The following SYNPO2 variants were observed in gnomAD, a reference collection of about 807,000 sequenced individuals.
The protein encoded by SYNPO2 is synaptopodin 2.
SYNPO2 carries 56 observed loss-of-function variants against 85.0 expected under a neutral mutation model. That is an observed-to-expected ratio of 0.66 (90% CI 0.53 to 0.82). The LOEUF (loss-of-function observed/expected upper bound fraction) is 0.82, where lower values mean the gene tolerates loss of function less well. Among genes scored for constraint, SYNPO2 ranks in the 40% least tolerant of loss-of-function variants. The probability of loss-of-function intolerance (pLI) is 0.00; values close to 1 mark genes in which losing one functional copy is unlikely to be tolerated. For missense variants in SYNPO2, 1,575 were observed against 1,534.2 expected (o/e 1.03, Z -0.44); for synonymous variants, 602 against 591.1 (o/e 1.02, Z -0.27).
chr4:118,872,648 G>A (rs1731824458), intron 1 of SYNPO2, among the ~76,000 whole-genome samples: 1 of 152,076 alleles, frequency 6.6e-6, no homozygotes, highest in African/African-American at 2.4e-5. Flanking sequence ...TGCTTTCTGA[G>A]GACACCCTAC....
intron 4 of SYNPO2, 131 bp from the exon 5 acceptor site, chr4:119,057,269 TG>T: frequency 5.6e-6 from 6 of 1,068,250 alleles, no homozygotes; most frequent in Non-Finnish European, 6.3e-6. Flanking sequence ...CTAAGCATTC[TG>T]GGGGGTTAAT....
In SYNPO2 at chr4:118,980,067, G is replaced by A. The variant is rs187025718; in HGVS notation, c.106-43363G>A. ...GTTGGATACATTGCATAGTATATGC[G>A]GTTTTTAAGCTAACTTAAAGGGAAA... is the stretch of plus-strand genomic sequence containing the variant. On this transcript the variant is annotated intron_variant, in intron 1 of 4. Coordinates refer to ENST00000307142, the MANE Select transcript of SYNPO2 (RefSeq NM_133477.3). Among the ~76,000 whole-genome samples the A allele has an allele frequency of 3.4e-3, 519 of 152,202 alleles. 6 individuals carry two copies. Among genetic ancestry groups the A allele is most frequent in the African/African-American group, 0.012 (498 of 41,546 alleles).
intron 1 of SYNPO2, among the ~76,000 whole-genome samples, chr4:118,997,184 G>T (rs566283945): frequency 7.3e-6 from 1 of 137,314 alleles, no homozygotes; most frequent in African/African-American, 2.8e-5. Flanking sequence ...AGCTTGCAGT[G>T]AGCCGAGATC....
rs28397868 is a variant in SYNPO2, at chr4:118,949,221, C to T, written c.105+60080C>T. Among the ~76,000 whole-genome samples the T allele has an allele frequency of 5.8e-3, 884 of 152,076 alleles. 9 individuals are homozygous for T. The highest frequency in any genetic ancestry group is 0.019 in the African/African-American group (780 of 41,464). ...GAGCCACAATAGATAAACAGTTATACGGCAGATCCGAAGCATTTGCATTTC... is the reference window on the plus strand; with the variant it reads ...GAGCCACAATAGATAAACAGTTATATGGCAGATCCGAAGCATTTGCATTTC... On this transcript the variant is annotated intron_variant, in intron 1 of 4. Coordinates refer to ENST00000307142, the MANE Select transcript of SYNPO2 (RefSeq NM_133477.3).
intron 1 of SYNPO2, among the ~76,000 whole-genome samples, chr4:118,901,923 T>C (rs190558974): frequency 6.6e-6 from 1 of 152,270 alleles, no homozygotes; most frequent in East Asian, 1.9e-4. Flanking sequence ...TGAAAATAAA[T>C]GTAGATAAGA....
intron 1 of SYNPO2, among the ~76,000 whole-genome samples, chr4:118,900,703 C>CTCTCTCTCTCTCTCTCTCTATATA (rs1277981772): frequency 2.3e-5 from 1 of 43,900 alleles, no homozygotes; most frequent in African/African-American, 7.9e-5. Context: ...CTCTCTCTCT[C>CTCTCTCTCTCTCTCTCTCTATATA]TATATATATA....
At position 119,031,127 on chromosome 4, in the gene SYNPO2, G is replaced by A; in HGVS notation, c.2352G>A (p.Val784=). The A allele has an allele frequency of 1.2e-6, 2 of 1,614,050 alleles. No homozygotes were observed. The highest frequency in any genetic ancestry group is 8.5e-7 in the Non-Finnish European group (1 of 1,180,008). Residue 784 remains valine (V), a synonymous_variant, in exon 4 of 5, where the codon GTG becomes GTA. Coordinates refer to ENST00000307142, the MANE Select transcript of SYNPO2 (RefSeq NM_133477.3). ...TTTCCCCAGTCTGGTCTCCAGGAGTGGCTCCCACCCAACCTCCTGCCTTCC... is the reference window on the plus strand; with the variant it reads ...TTTCCCCAGTCTGGTCTCCAGGAGTAGCTCCCACCCAACCTCCTGCCTTCC... The part of the protein sequence containing the change: ...TPVSPVWSPG[V]APTQPPAFPT...
chr4:119,015,251 A>G (rs942616044), intron 1 of SYNPO2, among the ~76,000 whole-genome samples: 2 of 152,244 alleles, frequency 1.3e-5, no homozygotes, highest in Admixed American at 6.5e-5. Flanking sequence ...CAAGATCGCC[A>G]GTTTACTAAT....
intron 1 of SYNPO2, among the ~76,000 whole-genome samples, chr4:118,860,930 T>G (rs1731598468): frequency 6.6e-6 from 1 of 152,236 alleles, no homozygotes; most frequent in Non-Finnish European, 1.5e-5. Flanking sequence ...TTCTGGTTAT[T>G]AATCCCTTGT....
chr4:118,922,208 A>G (rs1218987108), intron 1 of SYNPO2, among the ~76,000 whole-genome samples: 1 of 152,106 alleles, frequency 6.6e-6, no homozygotes, highest in Non-Finnish European at 1.5e-5. Context: ...AACCATGTGT[A>G]GATTTGTTAC....
chr4:118,871,688 C>A (rs1042361306), intron 1 of SYNPO2, among the ~76,000 whole-genome samples: 4 of 152,010 alleles, frequency 2.6e-5, no homozygotes, highest in Non-Finnish European at 4.4e-5. Flanking sequence ...CCTGCCTCAA[C>A]CTCCCGAGTT....
At chr4:118,976,236 G>A (rs868522902) in intron 1 of SYNPO2, among the ~76,000 whole-genome samples, 3 of 151,968 alleles carry the variant, frequency 2.0e-5, no homozygotes, top group Non-Finnish European at 4.4e-5. Flanking sequence ...TCGTGGTCTC[G>A]CTGGCTCAGG....
chr4:118,998,205 G>C (rs1052712600), intron 1 of SYNPO2, among the ~76,000 whole-genome samples: 1 of 152,154 alleles, frequency 6.6e-6, no homozygotes, highest in Non-Finnish European at 1.5e-5. Flanking sequence ...CACTGGCTTG[G>C]TCATATTCTA....
At chr4:118,881,355 G>A (rs1732096313) in intron 1 of SYNPO2, among the ~76,000 whole-genome samples, 2 of 151,958 alleles carry the variant, frequency 1.3e-5, no homozygotes, top group Admixed American at 1.3e-4. Flanking sequence ...CCTGTCCAGA[G>A]GGAAGACCAT....
At chr4:118,873,987 G>A (rs1387533414) in intron 1 of SYNPO2, among the ~76,000 whole-genome samples, 1 of 147,786 alleles carries the variant, frequency 6.8e-6, no homozygotes, top group African/African-American at 2.5e-5. Flanking sequence ...TTTCCCCAGT[G>A]TATGTTCTTG....
At chr4:119,015,982 C>A (rs1265164880) in intron 1 of SYNPO2, among the ~76,000 whole-genome samples, 1 of 152,138 alleles carries the variant, frequency 6.6e-6, no homozygotes, top group Non-Finnish European at 1.5e-5. Flanking sequence ...TTCTAATTTT[C>A]TAAACCAAAT....
At chr4:118,931,568 C>T (rs1331951692) in intron 1 of SYNPO2, among the ~76,000 whole-genome samples, 2 of 152,176 alleles carry the variant, frequency 1.3e-5, no homozygotes, top group Non-Finnish European at 2.9e-5. Flanking sequence ...CATAGCACTC[C>T]TTTTCTTTAT....
chr4:118,860,383 A>C (rs1425565258), intron 1 of SYNPO2, among the ~76,000 whole-genome samples: 1 of 151,806 alleles, frequency 6.6e-6, no homozygotes, highest in South Asian at 2.1e-4. Flanking sequence ...AGCTGGGACT[A>C]CAGGCGTGCA....
intron 1 of SYNPO2, among the ~76,000 whole-genome samples, chr4:118,872,508 G>GT (rs946639157): frequency 6.6e-6 from 1 of 152,050 alleles, no homozygotes; most frequent in African/African-American, 2.4e-5. Context: ...GGCAAGAATA[G>GT]TTTTTTTTAA....
Sources: allele counts gnomAD v4.1 joint callset (sites outside exome capture counted in the v4.1 genomes callset), GRCh38; gene constraint gnomAD v4.1.1; transcripts MANE v1.5; gene names NCBI Gene and HGNC (gene_info 2026-07-23, HGNC 2026-07-21).